The following SLC13A5 variants were observed in gnomAD, a reference collection of about 807,000 sequenced individuals.
SLC13A5 encodes the protein solute carrier family 13 member 5.
Under a neutral mutation model 56.5 loss-of-function variants are expected in SLC13A5, and 25 were observed. The observed-to-expected ratio is 0.44, with a 90% CI of 0.32 to 0.62. The LOEUF (loss-of-function observed/expected upper bound fraction) is 0.62. Ranked by LOEUF, SLC13A5 falls within the 20% of genes least tolerant of loss-of-function variation. The pLI is 0.04. For missense variants in SLC13A5, 649 were observed against 737.8 expected (o/e 0.88, Z 1.39); for synonymous variants, 307 against 301.5 (o/e 1.02, Z -0.19).
At position 6,692,269 on chromosome 17, in the gene SLC13A5, A is replaced by ATGGATGGATGGATGGT. The variant is rs1281104725; in HGVS notation, c.1275+774_1275+775insACCATCCATCCATCCA. On this transcript the variant is annotated intron_variant, in intron 9 of 11. Transcript: ENST00000433363. This position sits in a 1 kb window ranked among gnomAD's most constrained non-coding sequence, Gnocchi z 5.5. ...GATGGATGGATGGATGGATGGATGG[A>ATGGATGGATGGATGGT]TGGATGGACGGATGGACGGACGGAT... Among the ~76,000 whole-genome samples, 256 of 151,960 alleles carry ATGGATGGATGGATGGT rather than the reference A, an allele frequency of 1.7e-3. 1 individual carries two copies. The highest frequency in any genetic ancestry group is 5.9e-3 in the African/African-American group (245 of 41,380).
At position 6,713,173 on chromosome 17, in the gene SLC13A5, G is replaced by A; in HGVS notation, c.102+59C>T. On this transcript the variant is annotated intron_variant, in intron 1 of 11. Coordinates refer to ENST00000433363, the MANE Select transcript of SLC13A5 (RefSeq NM_177550.5). The surrounding 1 kb of genome is among the most constrained non-coding windows in gnomAD (Gnocchi z 7.3). Reference sequence around the variant, plus strand: ...CCAGCTCAGGGCTCCCGGGATCGGTGCCCGTTAGTGGGCACAGGACGCCGG... The same window carrying A: ...CCAGCTCAGGGCTCCCGGGATCGGTACCCGTTAGTGGGCACAGGACGCCGG... 6.5e-7 allele frequency: 1 copy of A among 1,544,758 alleles called. No homozygotes were observed. Among genetic ancestry groups the A allele is most frequent in the East Asian group, 2.3e-5 (1 of 43,714 alleles).
In SLC13A5 at chr17:6,687,137, C is replaced by G; in HGVS notation, c.1575+392G>C. The G allele has an allele frequency of 4.4e-6, 1 of 225,686 alleles. No individual in the cohort carries two copies. The highest frequency in any genetic ancestry group is 1.6e-3 in the Middle Eastern group (1 of 632). The allele number at this position is 225,686 out of a possible 1,614,324, so 14.0% of individuals were successfully genotyped here. On this transcript the variant is annotated intron_variant, in intron 11 of 11. Transcript: ENST00000433363. This position sits in a 1 kb window ranked among gnomAD's most constrained non-coding sequence, Gnocchi z 5.0. ...CCTCTTCAGGCACCCCTACAAATCT[C>G]TGTGACTGTCATTAGCATCCCCCTG...
chr17:6,710,762 CTGTG>C (rs111949694), intron 1 of SLC13A5, among the ~76,000 whole-genome samples: 55 of 148,438 alleles, frequency 3.7e-4, no homozygotes, highest in Non-Finnish European at 5.2e-4. Flanking sequence ...GCAAAACCTA[CTGTG>C]TGTGTGTGTG....
chr17:6,686,036 C>T lies in SLC13A5; in HGVS notation c.*171G>A. 1.1e-6 allele frequency: 1 copy of T among 910,694 alleles called. No individual in the cohort carries two copies. The highest frequency in any genetic ancestry group is 1.7e-6 in the Non-Finnish European group (1 of 593,396). 56.4% of individuals were successfully genotyped at this position (910,694 alleles called of 1,614,324 possible). Reference sequence around the variant, plus strand: ...CTACCCTCCAGCTGCCCATGACCATCTCTGCATCTGGGCTTGGAGGAAGAG... The same window carrying T: ...CTACCCTCCAGCTGCCCATGACCATTTCTGCATCTGGGCTTGGAGGAAGAG... On this transcript the variant is annotated 3_prime_UTR_variant, in exon 12 of 12. Transcript: ENST00000433363.
In SLC13A5 at chr17:6,690,916, C is replaced by T. The variant is rs759705304; in HGVS notation, c.1300G>A (p.Gly434Arg). The T allele has an allele frequency of 3.2e-5, 51 of 1,612,346 alleles. No individual in the cohort carries two copies. The highest frequency in any genetic ancestry group is 4.0e-5 in the African/African-American group (3 of 74,922). Reference sequence around the variant, plus strand: ...GCGTGCAAGGGCTCCATCTGCTTCCCCATCCACACGGACAGCCCCGAGGCC... The same window carrying T: ...GCGTGCAAGGGCTCCATCTGCTTCCTCATCCACACGGACAGCCCCGAGGCC... ...SEASGLSVWM[G>R]KQMEPLHAVP... The change falls in exon 10 of 12, where the codon GGG becomes AGG. Residue 434 changes from glycine to arginine, a missense_variant. Gly to Arg is a moderately radical substitution (Grantham distance 125, BLOSUM62 -2). Coordinates refer to ENST00000433363, the MANE Select transcript of SLC13A5 (RefSeq NM_177550.5).
At chr17:6,695,162 T>C (rs1176623269) in intron 7 of SLC13A5, among the ~76,000 whole-genome samples, 1 of 152,288 alleles carries the variant, frequency 6.6e-6, no homozygotes, top group Admixed American at 6.5e-5. Context: ...GATTTTCTGC[T>C]CAGCCTACTC....
At chr17:6,700,388 T>G (rs1372478080) in intron 6 of SLC13A5, among the ~76,000 whole-genome samples, 2 of 152,094 alleles carry the variant, frequency 1.3e-5, no homozygotes, top group African/African-American at 4.8e-5. Flanking sequence ...TTGGTCATAA[T>G]CACTGCTGGT....
In SLC13A5 at chr17:6,713,266, A is replaced by T; in HGVS notation, c.68T>A (p.Leu23Gln). The change falls in exon 1 of 12, where the codon CTG (leucine) becomes CAG (glutamine). Residue 23 changes from leucine (L) to glutamine (Q), a missense_variant. Transcript: ENST00000433363. This position sits in a 1 kb window ranked among gnomAD's most constrained non-coding sequence, Gnocchi z 7.3. ...SFVILFVTPL[L>Q]LLPLVILMPA... The stretch of plus-strand genomic sequence containing the variant: ...CATCAGAATGACGAGTGGCAGCAGC[A>T]GGAGCGGGGTGACGAACAAGATCAC... The T allele has an allele frequency of 6.2e-7, 1 of 1,614,016 alleles. No homozygotes were observed. Among genetic ancestry groups the T allele is most frequent in the Non-Finnish European group, 8.5e-7 (1 of 1,179,942 alleles).
At position 6,711,411 on chromosome 17, in the gene SLC13A5, T is replaced by A. The variant is rs533428485; in HGVS notation, c.102+1821A>T. The stretch of plus-strand genomic sequence containing the variant: ...TCCTCACTCAAAGGACAGCTTAATC[T>A]CTCTCTCTCTCTCTCTTACACACAC... On this transcript the variant is annotated intron_variant, in intron 1 of 11. Coordinates refer to ENST00000433363, the MANE Select transcript of SLC13A5 (RefSeq NM_177550.5). This position sits in a 1 kb window ranked among gnomAD's most constrained non-coding sequence, Gnocchi z 4.0. Among the ~76,000 whole-genome samples the A allele has an allele frequency of 1.0e-5, 1 of 99,154 alleles. No homozygotes were observed. The highest frequency in any genetic ancestry group is 2.8e-4 in the East Asian group (1 of 3,568). 65.0% of individuals were successfully genotyped at this position (99,154 alleles called of 152,430 possible).
chr17:6,707,565 AAAG>A (rs1390420695), intron 1 of SLC13A5, among the ~76,000 whole-genome samples: 2 of 152,186 alleles, frequency 1.3e-5, no homozygotes, highest in African/African-American at 4.8e-5. Context: ...AGAAGGAAGA[AAAG>A]AAAGGAGGAA....
rs1973195503 is a variant in SLC13A5, at chr17:6,684,811, CT to C, written c.*1395del. ...CAAGGAACCAGACACATACTCGGTC[CT>C]TGATGGGGTTTCCTGAGGCTCTCAT... On this transcript the variant is annotated 3_prime_UTR_variant, in exon 12 of 12. Coordinates refer to ENST00000433363, the MANE Select transcript of SLC13A5 (RefSeq NM_177550.5). The C allele has an allele frequency of 2.0e-5, 3 of 152,336 alleles. No homozygotes were observed. Among genetic ancestry groups the C allele is most frequent in the East Asian group, 3.9e-4 (2 of 5,180 alleles). 9.4% of individuals were successfully genotyped at this position (152,336 alleles called of 1,614,324 possible).
chr17:6,707,501 G>T (rs1198370011), intron 1 of SLC13A5, among the ~76,000 whole-genome samples: 6 of 152,138 alleles, frequency 3.9e-5, no homozygotes, highest in Non-Finnish European at 8.8e-5. Flanking sequence ...GAGAAAGAAG[G>T]AGAAGGAGGA....
At chr17:6,694,914 T>C (rs1345910208) in intron 7 of SLC13A5, among the ~76,000 whole-genome samples, 1 of 152,212 alleles carries the variant, frequency 6.6e-6, no homozygotes, top group African/African-American at 2.4e-5. Flanking sequence ...TACATGTTTC[T>C]CATCCTTTCT....
At chr17:6,707,524 G>A (rs1366205321) in intron 1 of SLC13A5, among the ~76,000 whole-genome samples, 1 of 152,168 alleles carries the variant, frequency 6.6e-6, no homozygotes, top group Non-Finnish European at 1.5e-5. Context: ...AGGAGGAGGA[G>A]GGGATAGAAG....
intron 10 of SLC13A5, among the ~76,000 whole-genome samples, chr17:6,690,434 T>C (rs1279335838): frequency 1.3e-5 from 2 of 152,266 alleles, no homozygotes; most frequent in Admixed American, 1.3e-4. Flanking sequence ...CCTGCACACC[T>C]GTGCTACATG....
chr17:6,692,231 AGATGGATG>A lies in SLC13A5; in HGVS notation c.1275+805_1275+812del, dbSNP rs370078806. ...TAGATAGATGGGTGGATGGATGGAC[AGATGGATG>A]GATGGATGGATGGATGGATGGATGG... is the stretch of plus-strand genomic sequence containing the variant. On this transcript the variant is annotated intron_variant, in intron 9 of 11. Coordinates refer to ENST00000433363, the MANE Select transcript of SLC13A5 (RefSeq NM_177550.5). The surrounding 1 kb of genome is among the most constrained non-coding windows in gnomAD (Gnocchi z 5.5). Among the ~76,000 whole-genome samples the A allele has an allele frequency of 0.03, 4,345 of 143,878 alleles. 183 individuals are homozygous for A. Among genetic ancestry groups the A allele is most frequent in the African/African-American group, 0.099 (3,722 of 37,774 alleles). The allele number at this position is 143,878 out of a possible 152,430, so 94.4% of individuals were successfully genotyped here.
intron 3 of SLC13A5, chr17:6,704,339 C>T (rs568032161): frequency 2.1e-5 from 12 of 565,708 alleles, no homozygotes; most frequent in African/African-American, 2.0e-4. Context: ...CAGATCCAGT[C>T]GTGGTTCTAA....
At chr17:6,709,880 G>A (rs1973974371) in intron 1 of SLC13A5, among the ~76,000 whole-genome samples, 1 of 152,222 alleles carries the variant, frequency 6.6e-6, no homozygotes, top group South Asian at 2.1e-4. Context: ...TGTGGGAGCT[G>A]TGCACTGCAG....
At position 6,703,282 on chromosome 17, in the gene SLC13A5, T is replaced by C. The variant is rs1183264989; in HGVS notation, c.548-144A>G. On this transcript the variant is annotated intron_variant, in intron 4 of 11. Transcript: ENST00000433363. ...CCCCACTGGGCTCCATAAGAGTTGC[T>C]GGCAGGGATGTGCCCGATTCCTCTC... 9.6e-6 allele frequency: 10 copies of C among 1,041,204 alleles called. No individual in the cohort carries two copies. The Middle Eastern group carries it at 2.2e-3, about 229-fold the overall frequency. 64.5% of individuals were successfully genotyped at this position (1,041,204 alleles called of 1,614,324 possible).
Sources: allele counts gnomAD v4.1 joint callset (sites outside exome capture counted in the v4.1 genomes callset), GRCh38; gene constraint gnomAD v4.1.1; non-coding constraint Gnocchi (gnomAD v3.1); transcripts MANE v1.5; gene names NCBI Gene and HGNC (gene_info 2026-07-23, HGNC 2026-07-21).